KAZN: variants seen among roughly 807,000 people sequenced by gnomAD.
The protein encoded by KAZN is kazrin.
In KAZN, 40 loss-of-function variants were observed where a neutral mutation model predicts 87.4. The observed-to-expected ratio is 0.46, with a 90% CI of 0.36 to 0.60. KAZN has a LOEUF of 0.60. KAZN is among the 20% of genes least tolerant of loss of function. The probability of loss-of-function intolerance (pLI) is 0.00; values close to 1 mark genes in which losing one functional copy is unlikely to be tolerated. For synonymous variants in KAZN, 466 were observed against 458.3 expected, an observed-to-expected ratio of 1.02 and a Z score of -0.22; for missense variants, 898 against 1,073.9, an observed-to-expected ratio of 0.84 and a Z score of 2.29.
At chr1:14,084,249 G>A (rs1199572023) in intron 1 of KAZN, among the ~76,000 whole-genome samples, 1 of 152,212 alleles carries the variant, frequency 6.6e-6, no homozygotes, top group Non-Finnish European at 1.5e-5. Flanking sequence ...ATGAACAGGA[G>A]TGACCCCCTG....
chr1:14,293,689 T>C (rs1050687660), intron 2 of KAZN, among the ~76,000 whole-genome samples: 2 of 151,600 alleles, frequency 1.3e-5, no homozygotes, highest in Non-Finnish European at 2.9e-5. Flanking sequence ...AAAAAAAAGA[T>C]CCCAGATTAA....
chr1:14,093,922 T>C (rs1409488664), intron 1 of KAZN, among the ~76,000 whole-genome samples: 2 of 152,188 alleles, frequency 1.3e-5, no homozygotes, highest in Non-Finnish European at 2.9e-5. Context: ...TCTGTTCAGA[T>C]TCATCCTGGC....
chr1:14,514,609 A>ATTT (rs1671196699), intron 2 of KAZN, among the ~76,000 whole-genome samples: 3 of 37,362 alleles, frequency 8.0e-5, no homozygotes, highest in African/African-American at 2.3e-4. Context: ...ATATATATAT[A>ATTT]TATATATATA....
chr1:14,203,581 G>GA (rs1189403938), intron 2 of KAZN, among the ~76,000 whole-genome samples: 2 of 152,300 alleles, frequency 1.3e-5, no homozygotes, highest in South Asian at 2.1e-4. Flanking sequence ...CTGAAACAGA[G>GA]ATTCACATCC....
chr1:15,072,173 A>G (rs1455217148), intron 8 of KAZN, among the ~76,000 whole-genome samples: 1 of 152,172 alleles, frequency 6.6e-6, no homozygotes, highest in Non-Finnish European at 1.5e-5. Flanking sequence ...CCCTCCTCGT[A>G]GGTTCAGAAA....
intron 1 of KAZN, among the ~76,000 whole-genome samples, chr1:14,144,495 C>T (rs1484946311): frequency 6.6e-6 from 1 of 151,442 alleles, no homozygotes; most frequent in African/African-American, 2.4e-5. Context: ...TGCTATGTTG[C>T]CCAGGCTGGT....
chr1:14,642,420 A>T (rs1680475598), intron 1 of KAZN, among the ~76,000 whole-genome samples: 1 of 152,074 alleles, frequency 6.6e-6, no homozygotes, highest in African/African-American at 2.4e-5. Flanking sequence ...TAAATAAATA[A>T]ATAACCATAG....
At chr1:14,211,514 G>A (rs944204258) in intron 2 of KAZN, among the ~76,000 whole-genome samples, 9 of 152,122 alleles carry the variant, frequency 5.9e-5, no homozygotes, top group Admixed American at 1.3e-4. Context: ...GTGAGCCACC[G>A]TGCCGGGCCT....
At chr1:15,016,441 G>A (rs1211898152) in intron 2 of KAZN, among the ~76,000 whole-genome samples, 1 of 152,064 alleles carries the variant, frequency 6.6e-6, no homozygotes, top group Non-Finnish European at 1.5e-5. Context: ...GCATGCCACC[G>A]TGCCCGGCTC....
chr1:14,490,502 T>C (rs1669589353), intron 2 of KAZN, among the ~76,000 whole-genome samples: 1 of 152,122 alleles, frequency 6.6e-6, no homozygotes, highest in Admixed American at 6.6e-5. Flanking sequence ...TGTTTGTTTG[T>C]TTGTTTTTTG....
intron 2 of KAZN, among the ~76,000 whole-genome samples, chr1:14,573,888 A>G (rs538389210): frequency 2.7e-4 from 40 of 150,402 alleles, no homozygotes; most frequent in African/African-American, 9.5e-4. Context: ...CTTAATAAAG[A>G]AAAAAAAGTC....
At chr1:14,938,738 G>A (rs1420969592) in intron 1 of KAZN, among the ~76,000 whole-genome samples, 1 of 152,100 alleles carries the variant, frequency 6.6e-6, no homozygotes, top group African/African-American at 2.4e-5. Context: ...TCTGGCGACA[G>A]TTGGTCAGAA....
chr1:14,236,551 G>C (rs1648439314), intron 2 of KAZN, among the ~76,000 whole-genome samples: 1 of 152,148 alleles, frequency 6.6e-6, no homozygotes. Context: ...GCTCTGTTCT[G>C]CTTCATCCAG....
At chr1:15,030,551 G>T (rs34638837) in intron 2 of KAZN, among the ~76,000 whole-genome samples, 76,928 of 152,090 alleles carry the variant, frequency 0.51, 19,805 homozygotes, top group African/African-American at 0.59. Context: ...CTGAGCCACC[G>T]CGCCTGGTCA....
At chr1:14,166,088 G>A (rs777441243) in intron 1 of KAZN, among the ~76,000 whole-genome samples, 1 of 152,202 alleles carries the variant, frequency 6.6e-6, no homozygotes, top group Non-Finnish European at 1.5e-5. Flanking sequence ...GCAGAGGTGG[G>A]CAGATCACCT....
At chr1:14,827,014 C>A (rs1646909919) in intron 1 of KAZN, among the ~76,000 whole-genome samples, 1 of 152,168 alleles carries the variant, frequency 6.6e-6, no homozygotes, top group South Asian at 2.1e-4. Context: ...ATTGGAGCTG[C>A]CGTGAGGGCG....
At chr1:15,049,689 G>A (rs1444696908) in intron 4 of KAZN, among the ~76,000 whole-genome samples, 1 of 152,178 alleles carries the variant, frequency 6.6e-6, no homozygotes, top group African/African-American at 2.4e-5. Flanking sequence ...CCCTTGACAA[G>A]GGACTTAACC....
In KAZN at chr1:14,531,814, A is replaced by G. The variant is rs549567370; in HGVS notation, c.250-67169A>G. Among the ~76,000 whole-genome samples the G allele has an allele frequency of 2.6e-5, 4 of 152,240 alleles. No individual in the cohort carries two copies. The South Asian group carries it at 8.3e-4, about 32-fold the overall frequency. ...CAAAGATTTCTATGGGAGTCTTACT[A>G]TTTGCAAAATGTTTCCACGTATATT... On this transcript the variant is annotated intron_variant, in intron 2 of 16. Transcript: ENST00000636203.
intron 2 of KAZN, among the ~76,000 whole-genome samples, chr1:14,565,114 C>T (rs566925867): frequency 1.3e-5 from 2 of 152,204 alleles, no homozygotes; most frequent in African/African-American, 4.8e-5. Context: ...GAGCATTACC[C>T]ATACAGTTGG....
Sources: allele counts gnomAD v4.1 joint callset (sites outside exome capture counted in the v4.1 genomes callset), GRCh38; gene constraint gnomAD v4.1.1; transcripts MANE v1.5; gene names NCBI Gene and HGNC (gene_info 2026-07-23, HGNC 2026-07-21).